Variants in GNB1 observed in about 807,000 individuals in gnomAD.
GNB1 encodes guanine nucleotide-binding protein G(I)/G(S)/G(T) subunit beta-1.
GNB1 carries 2 observed loss-of-function variants against 42.9 expected under a neutral mutation model. The observed-to-expected ratio is 0.05, with a 90% CI of 0.02 to 0.15. The LOEUF is 0.15. GNB1 is among the 10% of genes least tolerant of loss of function. The probability of loss-of-function intolerance (pLI) is 1.00; values close to 1 mark genes in which losing one functional copy is unlikely to be tolerated. For missense variants in GNB1, 193 were observed against 462.2 expected, an observed-to-expected ratio of 0.42 and a Z score of 5.34; for synonymous variants, 183 against 174.7, an observed-to-expected ratio of 1.05 and a Z score of -0.38.
At chr1:1,829,351 C>T (rs556856698) in intron 2 of GNB1, among the ~76,000 whole-genome samples, 21 of 152,052 alleles carry the variant, frequency 1.4e-4, no homozygotes, top group Non-Finnish European at 2.8e-4. Context: ...CATCATGCCC[C>T]GCCTAAAAAT....
intron 1 of GNB1, 85 bp downstream of exon 1, chr1:1,890,735 T>TGGGGTGGGGGC (rs1292546864): frequency 6.9e-6 from 1 of 144,500 alleles, no homozygotes; most frequent in Non-Finnish European, 1.5e-5. Flanking sequence ...GACCGGCGGG[T>TGGGGTGGGGGC]GGGGTGGGGG....
chr1:1,820,347 G>A lies in GNB1; in HGVS notation c.58-2472C>T, dbSNP rs1646915268. ...CACTCCAGCCCGGGCAACAGAGCGA[G>A]ACTCTGTTTAAAAAAAAAAAAAAAA... On this transcript the variant is annotated intron_variant, in intron 3 of 11. Coordinates refer to ENST00000378609, the MANE Select transcript of GNB1 (RefSeq NM_002074.5). 2.6e-5 allele frequency among the ~76,000 whole-genome samples: 3 copies of A among 114,294 alleles called. No individual in the cohort carries two copies. The Admixed American group carries it at 3.3e-4, about 12-fold the overall frequency. 75.0% of individuals were successfully genotyped at this position (114,294 alleles called of 152,430 possible).
intron 1 of GNB1, among the ~76,000 whole-genome samples, chr1:1,841,217 C>A (rs767283527): frequency 1.3e-5 from 2 of 151,714 alleles, no homozygotes; most frequent in African/African-American, 2.4e-5. Context: ...GAGACAGATT[C>A]TCACTCTGTC....
At chr1:1,801,052 C>T (rs527528579) in intron 7 of GNB1, among the ~76,000 whole-genome samples, 46 of 152,216 alleles carry the variant, frequency 3.0e-4, no homozygotes, top group Non-Finnish European at 5.3e-4. Flanking sequence ...CTCTTTGAGA[C>T]GGAGTCTCAC....
chr1:1,793,367 C>T (rs1473989770), intron 7 of GNB1, 56 bp from the exon 8 acceptor site: 2 of 1,211,632 alleles, frequency 1.7e-6, no homozygotes, highest in African/African-American at 3.0e-5. Context: ...TGCACCCAGC[C>T]TCATACATAG....
chr1:1,820,566 T>C (rs1412275991), intron 3 of GNB1, among the ~76,000 whole-genome samples: 1 of 152,260 alleles, frequency 6.6e-6, no homozygotes, highest in East Asian at 1.9e-4. Context: ...GAAGTCTTTT[T>C]GTCAATGAAT....
chr1:1,824,250 G>A (rs1646968197), intron 3 of GNB1, among the ~76,000 whole-genome samples: 1 of 152,174 alleles, frequency 6.6e-6, no homozygotes, highest in Non-Finnish European at 1.5e-5. Flanking sequence ...TGCATTAAAT[G>A]TTTCTCTATA....
intron 1 of GNB1, among the ~76,000 whole-genome samples, chr1:1,876,512 A>AGAGAGAGAGAGAGAGAGC (rs958427005): frequency 6.6e-6 from 1 of 151,788 alleles, no homozygotes; most frequent in African/African-American, 2.4e-5. Flanking sequence ...AGAGAGAGAG[A>AGAGAGAGAGAGAGAGAGC]GAGCGAGCGT....
In GNB1 at chr1:1,804,513, C is replaced by A; in HGVS notation, c.336G>T (p.Val112=). The A allele has an allele frequency of 6.2e-7, 1 of 1,613,516 alleles. No individual in the cohort carries two copies. Among genetic ancestry groups the A allele is most frequent in the Non-Finnish European group, 8.5e-7 (1 of 1,179,514 alleles). ...AAATGTTATCCAGGCCACCGCAGGC[C>A]ACATAGTTCCCAGAAGGGGCATATG... The part of the protein sequence containing the change: ...TCAYAPSGNY[V]ACGGLDNICS... The change falls in exon 7 of 12, where the codon GTG becomes GTT. Residue 112 remains valine (V), a synonymous_variant. Transcript: ENST00000378609.
chr1:1,840,363 C>G (rs926873249), intron 1 of GNB1, among the ~76,000 whole-genome samples: 2 of 152,108 alleles, frequency 1.3e-5, no homozygotes, highest in African/African-American at 4.8e-5. Context: ...CTCATCTCTA[C>G]TAAAAATACA....
intron 3 of GNB1, among the ~76,000 whole-genome samples, chr1:1,824,553 CACACGGTAAATAAATTTAT>C (rs1328564787): frequency 4.6e-5 from 7 of 152,086 alleles, no homozygotes; most frequent in Admixed American, 4.6e-4. Flanking sequence ...AGTTTATTTA[CACACGGTAAATAAATTTAT>C]CTTCAATTTT....
intron 1 of GNB1, among the ~76,000 whole-genome samples, chr1:1,866,601 A>C (rs1283195911): frequency 6.6e-6 from 1 of 151,480 alleles, no homozygotes; most frequent in Non-Finnish European, 1.5e-5. Context: ...TGGGCCACAC[A>C]TAAAATACAC....
intron 1 of GNB1, among the ~76,000 whole-genome samples, chr1:1,847,569 T>C (rs1360447955): frequency 6.6e-6 from 1 of 152,178 alleles, no homozygotes; most frequent in Admixed American, 6.5e-5. Context: ...GTCAATGCTA[T>C]GGAAGAGAAT....
Position 1,819,381 on chromosome 1 carries a change from C to T in GNB1, c.58-1506G>A, listed in dbSNP as rs1232821906. 6.6e-5 allele frequency among the ~76,000 whole-genome samples: 10 copies of T among 152,160 alleles called. No individual in the cohort carries two copies. In the South Asian group the frequency reaches 1.7e-3, roughly 25 times the overall value. On this transcript the variant is annotated intron_variant, in intron 3 of 11. Coordinates refer to ENST00000378609, the MANE Select transcript of GNB1 (RefSeq NM_002074.5). Reference sequence around the variant, plus strand: ...GAGACCACAGGCGTGTGCCACCACACCGGCTAATTTAGTATTTTTAGTAGA... The same window carrying T: ...GAGACCACAGGCGTGTGCCACCACATCGGCTAATTTAGTATTTTTAGTAGA...
In GNB1 at chr1:1,869,545, G is replaced by A. The variant is rs138665492; in HGVS notation, c.-96+21275C>T. ...CCTACTGTCCCTGCTTCCTCCTCCC[G>A]TGAATCCCAACAATCACAGCCACAG... On this transcript the variant is annotated intron_variant, in intron 1 of 11. Coordinates refer to ENST00000378609, the MANE Select transcript of GNB1 (RefSeq NM_002074.5). 3.3e-3 allele frequency among the ~76,000 whole-genome samples: 509 copies of A among 152,200 alleles called. 1 individual carries two copies. The highest frequency in any genetic ancestry group is 0.012 in the African/African-American group (483 of 41,524).
At chr1:1,869,150 C>T (rs1222973516) in intron 1 of GNB1, among the ~76,000 whole-genome samples, 1 of 134,528 alleles carries the variant, frequency 7.4e-6, no homozygotes, top group Non-Finnish European at 1.5e-5. Context: ...CACACCACCG[C>T]ACTCCAGCCT....
intron 3 of GNB1, among the ~76,000 whole-genome samples, chr1:1,822,178 G>A (rs1024165249): frequency 2.4e-4 from 37 of 152,192 alleles, no homozygotes; most frequent in African/African-American, 8.4e-4. Flanking sequence ...CAAAAGACAG[G>A]GCCTTTCTAC....
chr1:1,869,579 A>G (rs913891748), intron 1 of GNB1, among the ~76,000 whole-genome samples: 10 of 152,162 alleles, frequency 6.6e-5, no homozygotes, highest in African/African-American at 2.4e-4. Context: ...AGAAATAGTA[A>G]GCAGGAAAAA....
chr1:1,834,160 G>C (rs2101090289), intron 2 of GNB1, among the ~76,000 whole-genome samples: 1 of 152,162 alleles, frequency 6.6e-6, no homozygotes, highest in Admixed American at 6.5e-5. Context: ...CTGGCAACTG[G>C]GGGAAGGGCA....
Sources: allele counts gnomAD v4.1 joint callset (sites outside exome capture counted in the v4.1 genomes callset), GRCh38; gene constraint gnomAD v4.1.1; transcripts MANE v1.5; gene names NCBI Gene and HGNC (gene_info 2026-07-23, HGNC 2026-07-21).